Variants in INO80D observed in about 807,000 individuals in gnomAD.
INO80D encodes the protein INO80 complex subunit D.
Under a neutral mutation model 87.6 loss-of-function variants are expected in INO80D, and 21 were observed. That is an observed-to-expected ratio of 0.24 (90% confidence interval 0.17 to 0.35). The LOEUF is 0.35. INO80D is among the 10% of genes least tolerant of loss of function. The pLI is 1.00. For synonymous variants in INO80D, 440 were observed against 491.0 expected (o/e 0.90, Z 1.37); for missense variants, 982 against 1,280.7 (o/e 0.77, Z 3.56).
intron 3 of INO80D, among the ~76,000 whole-genome samples, chr2:206,060,563 G>GC (rs1253164528): frequency 7.4e-6 from 1 of 135,708 alleles, no homozygotes; most frequent in Non-Finnish European, 1.6e-5. Flanking sequence ...ACAACTTAGT[G>GC]CTTTTTTTTT....
intron 5 of INO80D, among the ~76,000 whole-genome samples, chr2:206,044,269 G>C (rs942772794): frequency 1.3e-5 from 2 of 152,132 alleles, no homozygotes; most frequent in Non-Finnish European, 2.9e-5. Flanking sequence ...TACAAATGTG[G>C]AGTTACAGGA....
At chr2:206,017,597 A>T in intron 8 of INO80D, 83 bp downstream of exon 8, 1 of 1,150,514 alleles carries the variant, frequency 8.7e-7, no homozygotes, top group Non-Finnish European at 1.2e-6. Flanking sequence ...ATTTATATAC[A>T]TACATAGTTT....
intron 5 of INO80D, among the ~76,000 whole-genome samples, chr2:206,041,783 A>G (rs1689058622): frequency 6.6e-6 from 1 of 152,210 alleles, no homozygotes; most frequent in Non-Finnish European, 1.5e-5. Context: ...GGGAAACCCC[A>G]AAATACTCAA....
At chr2:206,081,527 C>T (rs549245342) in intron 1 of INO80D, among the ~76,000 whole-genome samples, 16 of 152,124 alleles carry the variant, frequency 1.1e-4, no homozygotes, top group Admixed American at 2.6e-4. Flanking sequence ...CTGAGGCAGG[C>T]GGATCCCTTG....
intron 6 of INO80D, among the ~76,000 whole-genome samples, chr2:206,026,500 C>T (rs1024113391): frequency 5.3e-5 from 8 of 151,358 alleles, no homozygotes; most frequent in Non-Finnish European, 1.0e-4. Flanking sequence ...GAGCCAAGAT[C>T]GTGCCACTTC....
In INO80D at chr2:206,085,699, C is replaced by G. The variant is rs566703635; in HGVS notation, c.-124+202G>C. The G allele has an allele frequency of 2.7e-3, 407 of 150,762 alleles. 2 individuals are homozygous for G. The highest frequency in any genetic ancestry group is 4.7e-3 in the Non-Finnish European group (320 of 67,658). The allele number at this position is 150,762 out of a possible 1,614,324, so 9.3% of individuals were successfully genotyped here. ...CCGCCGTCGCCGCCCGCGGGCGCCC[C>G]GGAGGCCCTCAGGCCCCCGGCCTCC... On this transcript the variant is annotated intron_variant, in intron 1 of 10. Transcript: ENST00000403263. This position sits in a 1 kb window ranked among gnomAD's most constrained non-coding sequence, Gnocchi z 4.5.
chr2:206,019,304 A>C (rs1688397738), intron 7 of INO80D, among the ~76,000 whole-genome samples: 1 of 152,226 alleles, frequency 6.6e-6, no homozygotes, highest in Non-Finnish European at 1.5e-5. Context: ...TCAAATCAGC[A>C]CTGTACTCAT....
At chr2:206,018,769 G>C (rs948125953) in intron 7 of INO80D, among the ~76,000 whole-genome samples, 1 of 152,110 alleles carries the variant, frequency 6.6e-6, no homozygotes, top group East Asian at 1.9e-4. Context: ...AGGCATGGTG[G>C]TGCATGCCTG....
rs1687885122 is a variant in INO80D, at chr2:206,000,211, G to C, written c.*4157C>G. On this transcript the variant is annotated 3_prime_UTR_variant, in exon 11 of 11. Transcript: ENST00000403263. ...ATTTTTAAAGAAGTCTGAAAAGAAA[G>C]ATGAAGAAACTGAAAACTAATTTTT... is the stretch of plus-strand genomic sequence containing the variant. The C allele has an allele frequency of 6.6e-6, 1 of 152,002 alleles. No homozygotes were observed. Among genetic ancestry groups the C allele is most frequent in the Non-Finnish European group, 1.5e-5 (1 of 68,000 alleles). 9.4% of individuals were successfully genotyped at this position (152,002 alleles called of 1,614,324 possible). A position where few individuals can be genotyped will look rare whatever the true frequency, so the allele number is the denominator to read the frequency against.
intron 1 of INO80D, among the ~76,000 whole-genome samples, chr2:206,071,983 T>C (rs1689984176): frequency 6.6e-6 from 1 of 152,098 alleles, no homozygotes. Flanking sequence ...TGCCAGTTTC[T>C]CCTCCACTCT....
At chr2:206,056,967 GA>G in intron 3 of INO80D, 24 bp from the exon 4 acceptor site, 1 of 1,537,718 alleles carries the variant, frequency 6.5e-7, no homozygotes, top group Non-Finnish European at 8.8e-7. Flanking sequence ...ACATACATGG[GA>G]AAACAGTCAT....
intron 3 of INO80D, among the ~76,000 whole-genome samples, chr2:206,057,321 A>G (rs909875932): frequency 1.3e-5 from 2 of 152,212 alleles, no homozygotes; most frequent in Non-Finnish European, 2.9e-5. Flanking sequence ...AAAAATATAT[A>G]TATTTTCTAA....
At chr2:206,013,320 AAGGTGGGCGG>A (rs1456059502) in intron 8 of INO80D, among the ~76,000 whole-genome samples, 47 of 152,056 alleles carry the variant, frequency 3.1e-4, no homozygotes, top group African/African-American at 1.1e-3. Context: ...TTGGGAGGCC[AAGGTGGGCGG>A]ATCATGAGGT....
At chr2:206,028,619 C>G (rs1294984602) in intron 5 of INO80D, among the ~76,000 whole-genome samples, 1 of 152,122 alleles carries the variant, frequency 6.6e-6, no homozygotes, top group Non-Finnish European at 1.5e-5. Flanking sequence ...TTTTAAGTGA[C>G]TAGAGACCCC....
Position 206,009,644 on chromosome 2 carries a change from C to G in INO80D, c.1693G>C (p.Ala565Pro). The G allele has an allele frequency of 6.2e-7, 1 of 1,613,916 alleles. No individual in the cohort carries two copies. Among genetic ancestry groups the G allele is most frequent in the Non-Finnish European group, 8.5e-7 (1 of 1,179,878 alleles). The change falls in exon 9 of 11, where the codon GCA (alanine) becomes CCA (proline). Residue 565 changes from alanine to proline, a missense_variant. Coordinates refer to ENST00000403263, the MANE Select transcript of INO80D (RefSeq NM_017759.5). ...ATGCTGAGGTTCCCTTGGGGGACTG[C>G]AGGTGGAATGGGTTTTTGGGGTCGA... ...PRRPQKPIPP[A>P]VPQGNLSMPA...
chr2:206,058,366 C>T (rs1229873048), intron 3 of INO80D, among the ~76,000 whole-genome samples: 4 of 148,014 alleles, frequency 2.7e-5, no homozygotes, highest in Middle Eastern at 3.6e-3. Context: ...TTGCAGTGAG[C>T]CGAGATGGTG....
intron 1 of INO80D, among the ~76,000 whole-genome samples, chr2:206,080,736 T>A (rs901644801): frequency 2.0e-5 from 3 of 151,582 alleles, no homozygotes; most frequent in Admixed American, 1.3e-4. Context: ...TGAAACCCCG[T>A]CTCTACTAAA....
chr2:206,028,432 G>T, intron 5 of INO80D, 97 bp from the exon 6 acceptor site: 1 of 954,554 alleles, frequency 1.0e-6, no homozygotes, highest in Non-Finnish European at 1.6e-6. Context: ...GAATGCACAG[G>T]TTTAAAACTT....
At chr2:206,080,181 T>C (rs1182970019) in intron 1 of INO80D, among the ~76,000 whole-genome samples, 1 of 152,228 alleles carries the variant, frequency 6.6e-6, no homozygotes, top group African/African-American at 2.4e-5. Flanking sequence ...GAAGCTAATC[T>C]GTTAAATGAA....
Sources: gnomAD v4.1 joint callset for allele counts (sites outside exome capture counted in the v4.1 genomes callset) on GRCh38, gnomAD v4.1.1 for gene constraint, Gnocchi (gnomAD v3.1) non-coding constraint, MANE v1.5 for transcripts, NCBI Gene and HGNC (gene_info 2026-07-23, HGNC 2026-07-21) for gene names.